COL4A2: variants seen among roughly 807,000 people sequenced by gnomAD.
COL4A2 encodes the protein collagen type IV alpha 2 chain, also known as collagen alpha-2(IV) chain.
Under a neutral mutation model 200.2 loss-of-function variants are expected in COL4A2, and 99 were observed. The observed-to-expected ratio is 0.49, with a 90% CI of 0.42 to 0.58. The LOEUF (loss-of-function observed/expected upper bound fraction) is 0.58. Among genes scored for constraint, COL4A2 ranks in the 20% least tolerant of loss-of-function variants. COL4A2 has a pLI of 0.00. For synonymous variants in COL4A2, 897 were observed against 900.6 expected, an observed-to-expected ratio of 1.00 and a Z score of 0.07; for missense variants, 1,950 against 2,314.1, an observed-to-expected ratio of 0.84 and a Z score of 3.23.
intron 4 of COL4A2, among the ~76,000 whole-genome samples, chr13:110,411,673 C>T (rs182457230): frequency 6.6e-6 from 1 of 152,254 alleles, no homozygotes; most frequent in African/African-American, 2.4e-5. Context: ...CCCAGGCATA[C>T]ATTGTTTATT....
chr13:110,399,903 C>T (rs1405997174), intron 4 of COL4A2, among the ~76,000 whole-genome samples: 5 of 152,162 alleles, frequency 3.3e-5, no homozygotes, highest in Non-Finnish European at 5.9e-5. Context: ...GCAGAAGTTC[C>T]ATCTGTAAGA....
chr13:110,359,454 C>T (rs1259567662), intron 4 of COL4A2, among the ~76,000 whole-genome samples: 1 of 152,192 alleles, frequency 6.6e-6, no homozygotes, highest in East Asian at 1.9e-4. Context: ...TACCCTAGGA[C>T]ACATGCTTGT....
At chr13:110,394,261 G>A (rs1879107192) in intron 4 of COL4A2, among the ~76,000 whole-genome samples, 2 of 152,196 alleles carry the variant, frequency 1.3e-5, no homozygotes, top group African/African-American at 4.8e-5. Flanking sequence ...GTGCGTGTGT[G>A]TGTCTGTGTG....
At chr13:110,424,342 C>CG (rs1428801473) in intron 4 of COL4A2, among the ~76,000 whole-genome samples, 1 of 150,028 alleles carries the variant, frequency 6.7e-6, no homozygotes, top group Non-Finnish European at 1.5e-5. Context: ...GAATGCAATA[C>CG]ACATTTCCAC....
intron 30 of COL4A2, among the ~76,000 whole-genome samples, chr13:110,478,384 G>A (rs1185813817): frequency 6.6e-6 from 1 of 152,214 alleles, no homozygotes; most frequent in Non-Finnish European, 1.5e-5. Context: ...TAAGGATCTA[G>A]GGAAGGTCTC....
chr13:110,504,208 C>T lies in COL4A2; in HGVS notation c.4346C>T (p.Pro1449Leu). 1 of 1,614,130 alleles carries T rather than the reference C, an allele frequency of 6.2e-7. No individual in the cohort carries two copies. The highest frequency in any genetic ancestry group is 8.5e-7 in the Non-Finnish European group (1 of 1,180,026). Residue 1449 changes from proline (P) to leucine (L), a missense_variant, in exon 45 of 48, where the codon CCC (proline) becomes CTC (leucine). Physicochemically the swap from Pro to Leu is moderately conservative, Grantham distance 98. This residue lies in a region of COL4A2 where 1,385 missense variants were observed against 1,720.5 expected (regional missense o/e 0.80). Coordinates refer to ENST00000360467, the MANE Select transcript of COL4A2 (RefSeq NM_001846.4). ...GGAAGAGGTGGTGTGTCTGCTGTTC[C>T]CGGCTTCCGGGGAGATGAAGGACCC... ...PQGRGGVSAV[P>L]GFRGDEGPIG... is the part of the protein sequence containing the mutation.
chr13:110,499,744 T>C (rs1883580985), intron 40 of COL4A2, among the ~76,000 whole-genome samples: 1 of 152,226 alleles, frequency 6.6e-6, no homozygotes, highest in Non-Finnish European at 1.5e-5. Context: ...GGTTTCCGTC[T>C]AGATTCCAGC....
chr13:110,395,015 G>T (rs1879136044), intron 4 of COL4A2, among the ~76,000 whole-genome samples: 1 of 152,196 alleles, frequency 6.6e-6, no homozygotes, highest in South Asian at 2.1e-4. Flanking sequence ...CGTCTCCGGG[G>T]ACCCAGAGCT....
chr13:110,429,046 G>A (rs1264967646), intron 7 of COL4A2: 2 of 153,122 alleles, frequency 1.3e-5, no homozygotes, highest in African/African-American at 4.8e-5. Flanking sequence ...ATTTTTTAAG[G>A]TCTTGGTAAA....
At chr13:110,345,875 A>G (rs1226379713) in intron 3 of COL4A2, among the ~76,000 whole-genome samples, 4 of 152,162 alleles carry the variant, frequency 2.6e-5, no homozygotes, top group Non-Finnish European at 5.9e-5. Context: ...GGGCATGTGT[A>G]CCTGTGCACA....
intron 26 of COL4A2, 123 bp downstream of exon 26, chr13:110,466,185 T>G: frequency 8.5e-7 from 1 of 1,177,460 alleles, no homozygotes; most frequent in Non-Finnish European, 1.2e-6. Context: ...ACGTTTGATT[T>G]CCATGGCACA....
intron 14 of COL4A2, among the ~76,000 whole-genome samples, chr13:110,438,308 C>T (rs978170182): frequency 5.9e-5 from 9 of 152,190 alleles, no homozygotes; most frequent in African/African-American, 1.4e-4. Flanking sequence ...GCGTGGCTTC[C>T]ACTCAGGCGC....
rs561015776 is a variant in COL4A2, at chr13:110,375,663, C to T, written c.180+18111C>T. On this transcript the variant is annotated intron_variant, in intron 4 of 47. Coordinates refer to ENST00000360467, the MANE Select transcript of COL4A2 (RefSeq NM_001846.4). ...TAGCCAACATGGCGAAACCTCTTCT[C>T]GACTGAAAATACAAAAATTAGCTTA... 1.2e-4 allele frequency among the ~76,000 whole-genome samples: 19 copies of T among 152,208 alleles called. No individual in the cohort carries two copies. In the South Asian group the frequency reaches 1.9e-3, roughly 15 times the overall value.
At chr13:110,358,215 T>C (rs1246561980) in intron 4 of COL4A2, among the ~76,000 whole-genome samples, 1 of 152,212 alleles carries the variant, frequency 6.6e-6, no homozygotes, top group Non-Finnish European at 1.5e-5. Context: ...TTTTTTTTAC[T>C]TTTTAAACTT....
At chr13:110,418,389 T>C (rs117674704) in intron 4 of COL4A2, among the ~76,000 whole-genome samples, 1,739 of 152,364 alleles carry the variant, frequency 0.011, 13 homozygotes, top group Non-Finnish European at 0.017. Flanking sequence ...TTTTCTTTTA[T>C]AGGTTGTAAT....
intron 3 of COL4A2, among the ~76,000 whole-genome samples, chr13:110,320,252 T>C (rs939714317): frequency 6.6e-6 from 1 of 152,190 alleles, no homozygotes; most frequent in African/African-American, 2.4e-5. Context: ...CCAGGTCACC[T>C]CCGGGCACTG....
chr13:110,326,212 C>T (rs1885407688), intron 3 of COL4A2, among the ~76,000 whole-genome samples: 1 of 152,196 alleles, frequency 6.6e-6, no homozygotes, highest in African/African-American at 2.4e-5. Flanking sequence ...GGGAGGAGAT[C>T]TGAATTTTTT....
At chr13:110,349,430 C>T (rs1227765463) in intron 3 of COL4A2, among the ~76,000 whole-genome samples, 1 of 152,170 alleles carries the variant, frequency 6.6e-6, no homozygotes, top group African/African-American at 2.4e-5. Flanking sequence ...TTGGGTCACT[C>T]ACAGAAGAGC....
intron 3 of COL4A2, among the ~76,000 whole-genome samples, chr13:110,322,015 A>G (rs79464155): frequency 0.076 from 11,563 of 152,194 alleles, 1,424 homozygotes; most frequent in African/African-American, 0.26. Context: ...TGTTGTAGTG[A>G]GTGGCAGAAT....
Sources: gnomAD v4.1 joint callset for allele counts (sites outside exome capture counted in the v4.1 genomes callset) on GRCh38, gnomAD v4.1.1 for gene constraint, gnomAD v4.1.1 regional missense constraint, MANE v1.5 for transcripts, NCBI Gene and HGNC (gene_info 2026-07-23, HGNC 2026-07-21) for gene names.